The following PLOD1 variants were observed in gnomAD, a reference collection of about 807,000 sequenced individuals.
The protein encoded by PLOD1 is lysine hydroxylase.
PLOD1 carries 70 observed loss-of-function variants against 94.7 expected under a neutral mutation model. That is an observed-to-expected ratio of 0.74 (90% CI 0.61 to 0.90). The LOEUF is 0.90. Ranked by LOEUF, PLOD1 falls within the 40% of genes least tolerant of loss-of-function variation. The pLI, the probability that PLOD1 is intolerant of heterozygous loss-of-function variation, is 0.00. For missense variants in PLOD1, 905 were observed against 972.7 expected (o/e 0.93, Z 0.93); for synonymous variants, 417 against 400.2 (o/e 1.04, Z -0.50).
chr1:11,965,412 T>C (rs1569724344), intron 13 of PLOD1, 68 bp from the exon 14 acceptor site: 2 of 892,470 alleles, frequency 2.2e-6, no homozygotes, highest in East Asian at 5.2e-5. Context: ...TCTGGGAGCG[T>C]GCAGGGGAGG....
At chr1:11,951,763 CA>C (rs1286244442) in intron 4 of PLOD1, among the ~76,000 whole-genome samples, 1 of 150,092 alleles carries the variant, frequency 6.7e-6, no homozygotes, top group Non-Finnish European at 1.5e-5. Context: ...ACTAAAAATA[CA>C]AAAAATTAGC....
chr1:11,955,217 A>C (rs1234560825), intron 6 of PLOD1, among the ~76,000 whole-genome samples: 1 of 152,180 alleles, frequency 6.6e-6, no homozygotes, highest in Non-Finnish European at 1.5e-5. Flanking sequence ...CCCACCTTCC[A>C]GGTGAAGGAG....
In PLOD1 at chr1:11,950,385, C is replaced by T. The variant is rs772221158; in HGVS notation, c.331C>T (p.Arg111Trp). Residue 111 changes from arginine to tryptophan, a missense_variant, in exon 4 of 19, where the codon CGG (arginine) becomes TGG (tryptophan). Physicochemically the swap from Arg to Trp is moderately radical, Grantham distance 101. Transcript: ENST00000196061. ...SYDVLFASGP[R>W]ELLKKFRQAR... is the part of the protein sequence containing the mutation. ...TGACGTGCTGTTTGCATCGGGGCCC[C>T]GGGAGCTCCTGAAGAAGTTCCGGCA... 9 of 1,614,146 alleles carry T rather than the reference C, an allele frequency of 5.6e-6. No individual in the cohort carries two copies. The highest frequency in any genetic ancestry group is 1.1e-5 in the South Asian group (1 of 91,084).
intron 4 of PLOD1, among the ~76,000 whole-genome samples, chr1:11,952,370 C>G (rs1333720439): frequency 6.6e-6 from 1 of 152,232 alleles, no homozygotes; most frequent in African/African-American, 2.4e-5. Context: ...CAGCACTGAA[C>G]AGTACAGCTT....
rs545453980 is a variant in PLOD1 at position 11,941,784 on chromosome 1, T to C, written c.77-6192T>C. ...CAGGCGTGAGCCACCGCGCCCGGACTAGTAGCTGGGATTACATGCACCACC... is the reference window on the plus strand; with the variant it reads ...CAGGCGTGAGCCACCGCGCCCGGACCAGTAGCTGGGATTACATGCACCACC... On this transcript the variant is annotated intron_variant, in intron 1 of 18. Transcript: ENST00000196061. Among the ~76,000 whole-genome samples, 3 of 152,140 alleles carry C rather than the reference T, an allele frequency of 2.0e-5. No individual in the cohort carries two copies. The East Asian group carries it at 5.8e-4, about 29-fold the overall frequency.
At chr1:11,956,715 T>G (rs6665648) in intron 6 of PLOD1, among the ~76,000 whole-genome samples, 1 of 151,922 alleles carries the variant, frequency 6.6e-6, no homozygotes, top group Admixed American at 6.6e-5. Context: ...CCCACGCTTG[T>G]TCAACACAAA....
At chr1:11,940,945 T>G (rs935433950) in intron 1 of PLOD1, among the ~76,000 whole-genome samples, 6 of 151,976 alleles carry the variant, frequency 3.9e-5, no homozygotes, top group African/African-American at 1.5e-4. Context: ...CAGCCAGGAG[T>G]CTGGCATCTT....
Position 11,963,331 on chromosome 1 carries a change from A to C in PLOD1, c.1098-201A>C, listed in dbSNP as rs1385226288. On this transcript the variant is annotated intron_variant, in intron 10 of 18. Coordinates refer to ENST00000196061, the MANE Select transcript of PLOD1 (RefSeq NM_000302.4). This position sits in a 1 kb window ranked among gnomAD's most constrained non-coding sequence, Gnocchi z 4.3. ...TTCAGGGCACTTGATACCAGTTGCCAACCTCTGGGCCTTGGGTGAGAGAGC... is the reference window on the plus strand; with the variant it reads ...TTCAGGGCACTTGATACCAGTTGCCCACCTCTGGGCCTTGGGTGAGAGAGC... Among the ~76,000 whole-genome samples the C allele has an allele frequency of 6.6e-6, 1 of 152,220 alleles. No homozygotes were observed. Among genetic ancestry groups the C allele is most frequent in the Non-Finnish European group, 1.5e-5 (1 of 68,034 alleles).
chr1:11,935,060 G>A (rs1645569091), intron 1 of PLOD1, among the ~76,000 whole-genome samples: 1 of 152,228 alleles, frequency 6.6e-6, no homozygotes, highest in African/African-American at 2.4e-5. Flanking sequence ...AGGAAAGGGT[G>A]ACAGCTGAGT....
chr1:11,940,798 T>C (rs1217508617), intron 1 of PLOD1, among the ~76,000 whole-genome samples: 1 of 152,170 alleles, frequency 6.6e-6, no homozygotes. Flanking sequence ...AAAATGAATC[T>C]TCCACATCCA....
At position 11,974,792 on chromosome 1, in the gene PLOD1, C is replaced by T; in HGVS notation, c.2168C>T (p.Ser723Phe). The T allele has an allele frequency of 6.2e-7, 1 of 1,614,206 alleles. No homozygotes were observed. The highest frequency in any genetic ancestry group is 1.1e-5 in the South Asian group (1 of 91,090). Residue 723 changes from serine to phenylalanine, a missense_variant, in exon 19 of 19, where the codon TCC becomes TTC. Coordinates refer to ENST00000196061, the MANE Select transcript of PLOD1 (RefSeq NM_000302.4). ...TTRGTRYIAV[S>F]FVDP The stretch of plus-strand genomic sequence containing the variant: ...AGGGGCACCCGCTACATCGCAGTCT[C>T]CTTCGTCGATCCCTAATTGGCCAGG...
chr1:11,944,641 C>G lies in PLOD1; in HGVS notation c.77-3335C>G, dbSNP rs777648958. The G allele has an allele frequency of 5.1e-6, 7 of 1,360,626 alleles. No individual in the cohort carries two copies. The South Asian group carries it at 5.7e-5, about 11-fold the overall frequency. The allele number at this position is 1,360,626 out of a possible 1,614,324, so 84.3% of individuals were successfully genotyped here. A position where few individuals can be genotyped will look rare whatever the true frequency, so the allele number is the denominator to read the frequency against. ...TTCCCCAAGTGTGAGCAGCATCCCT[C>G]GTTTCTGGATCCCAGGTTCAGGTAG... is the stretch of plus-strand genomic sequence containing the variant. On this transcript the variant is annotated intron_variant, in intron 1 of 18. Coordinates refer to ENST00000196061, the MANE Select transcript of PLOD1 (RefSeq NM_000302.4).
Position 11,949,854 on chromosome 1 carries a change from G to A in PLOD1, c.250G>A (p.Ala84Thr), listed in dbSNP as rs34878020. 21,947 of 1,614,080 alleles carry A rather than the reference G, an allele frequency of 0.014. 293 individuals carry two copies. The highest frequency in any genetic ancestry group is 0.065 in the African/African-American group (4,842 of 75,034). Residue 84 changes from alanine (A) to threonine (T), a missense_variant, in exon 3 of 19, where the codon GCT becomes ACT. By Grantham distance (58) the Ala-to-Thr change is moderately conservative. Coordinates refer to ENST00000196061, the MANE Select transcript of PLOD1 (RefSeq NM_000302.4). ...GCAGAAGGTCCGGCTGCTGAAGAAA[G>A]CTCTGGAGAAGCACGCAGACAAGGA... ...GGQKVRLLKKALEKHADKEDL... is the reference protein window; with the variant it reads ...GGQKVRLLKKTLEKHADKEDL...
In PLOD1 at chr1:11,964,166, T is replaced by C. The variant is rs774827440; in HGVS notation, c.1203-9T>C. 5.0e-6 allele frequency: 8 copies of C among 1,613,530 alleles called. No individual in the cohort carries two copies. The South Asian group carries it at 8.8e-5, about 18-fold the overall frequency. Reference sequence around the variant, plus strand: ...AGCGACCTCCTACTGAGGTGCTCCCTTCCCTCAGGAACGTCATTGCCCCGC... The same window carrying C: ...AGCGACCTCCTACTGAGGTGCTCCCCTCCCTCAGGAACGTCATTGCCCCGC... On this transcript the variant is annotated splice_polypyrimidine_tract_variant and intron_variant, in intron 11 of 18. Coordinates refer to ENST00000196061, the MANE Select transcript of PLOD1 (RefSeq NM_000302.4).
chr1:11,972,495 C>T lies in PLOD1; in HGVS notation c.1903-377C>T, dbSNP rs531852671. 3 of 251,622 alleles carry T rather than the reference C, an allele frequency of 1.2e-5. No individual in the cohort carries two copies. The highest frequency in any genetic ancestry group is 2.4e-5 in the Non-Finnish European group (3 of 124,884). The allele number at this position is 251,622 out of a possible 1,614,324, so 15.6% of individuals were successfully genotyped here. A position where few individuals can be genotyped will look rare whatever the true frequency, so the allele number is the denominator to read the frequency against. On this transcript the variant is annotated intron_variant, in intron 17 of 18. Transcript: ENST00000196061. This position sits in a 1 kb window ranked among gnomAD's most constrained non-coding sequence, Gnocchi z 4.6. ...CTCAAACTCCTGACCTCAGGTGATC[C>T]GCCCACCTTGGCCTCCCAAAGTGCT...
chr1:11,948,781 C>G (rs72860416), intron 2 of PLOD1, among the ~76,000 whole-genome samples: 39 of 151,984 alleles, frequency 2.6e-4, no homozygotes, highest in Admixed American at 2.6e-3. Context: ...AATGCCCGAT[C>G]GACCACTGGC....
In PLOD1 at chr1:11,957,976, C is replaced by T; in HGVS notation, c.843+33C>T. On this transcript the variant is annotated intron_variant, in intron 8 of 18. Coordinates refer to ENST00000196061, the MANE Select transcript of PLOD1 (RefSeq NM_000302.4). The surrounding 1 kb of genome is among the most constrained non-coding windows in gnomAD (Gnocchi z 4.1). The stretch of plus-strand genomic sequence containing the variant: ...TGCGCCCAGGCCTGTGCCTGAGGGA[C>T]ACGGGGGGCTCAGTCCCCTGAGATG... 4 of 1,359,026 alleles carry T rather than the reference C, an allele frequency of 2.9e-6. No homozygotes were observed. In the South Asian group the frequency reaches 4.7e-5, roughly 16 times the overall value. 84.2% of individuals were successfully genotyped at this position (1,359,026 alleles called of 1,614,324 possible). A position where few individuals can be genotyped will look rare whatever the true frequency, so the allele number is the denominator to read the frequency against.
At chr1:11,964,959 C>T (rs1321888955) in intron 13 of PLOD1, among the ~76,000 whole-genome samples, 174 bp downstream of exon 13, 2 of 152,160 alleles carry the variant, frequency 1.3e-5, no homozygotes, top group African/African-American at 2.4e-5. Flanking sequence ...TGGGGGCCGT[C>T]GGGCACGAGG....
chr1:11,965,329 A>G, intron 13 of PLOD1, 151 bp from the exon 14 acceptor site: 1 of 654,612 alleles, frequency 1.5e-6, no homozygotes, highest in Non-Finnish European at 2.8e-6. Flanking sequence ...CTGGGGACAT[A>G]GCGGTGACTG....
Sources: gnomAD v4.1 joint callset for allele counts (sites outside exome capture counted in the v4.1 genomes callset) on GRCh38, gnomAD v4.1.1 for gene constraint, Gnocchi (gnomAD v3.1) non-coding constraint, MANE v1.5 for transcripts, NCBI Gene and HGNC (gene_info 2026-07-23, HGNC 2026-07-21) for gene names.